The following PRKD3 variants were observed in gnomAD, a reference collection of about 807,000 sequenced individuals.
PRKD3 encodes serine/threonine-protein kinase D3.
Under a neutral mutation model 99.2 loss-of-function variants are expected in PRKD3, and 47 were observed. The ratio of observed to expected loss-of-function variants is 0.47; its 90% confidence interval spans 0.38 to 0.60. The LOEUF (loss-of-function observed/expected upper bound fraction) is 0.60. Among genes scored for constraint, PRKD3 ranks in the 20% least tolerant of loss-of-function variants. The pLI, the probability that PRKD3 is intolerant of heterozygous loss-of-function variation, is 0.00. For synonymous variants in PRKD3, 392 were observed against 355.4 expected, an observed-to-expected ratio of 1.10 and a Z score of -1.16; for missense variants, 1,019 against 1,088.4, an observed-to-expected ratio of 0.94 and a Z score of 0.90.
intron 2 of PRKD3, among the ~76,000 whole-genome samples, chr2:37,309,791 T>C (rs1671339258): frequency 7.2e-6 from 1 of 139,020 alleles, no homozygotes; most frequent in South Asian, 2.2e-4. Flanking sequence ...GAAGTTGCAG[T>C]GAGCCGAGAT....
At chr2:37,314,122 GAGAAAGT>G (rs769848484) in intron 2 of PRKD3, among the ~76,000 whole-genome samples, 34 of 152,080 alleles carry the variant, frequency 2.2e-4, no homozygotes, top group Non-Finnish European at 3.7e-4. Flanking sequence ...GAAAAGATAA[GAGAAAGT>G]AGAAAGAAGT....
chr2:37,268,248 T>C (rs892667102), intron 13 of PRKD3: 1 of 461,340 alleles, frequency 2.2e-6, no homozygotes, highest in Non-Finnish European at 4.5e-6. Flanking sequence ...ATCGTAAGTC[T>C]ACTTGAAAAG....
At chr2:37,281,170 T>C (rs1669840920) in intron 7 of PRKD3, among the ~76,000 whole-genome samples, 2 of 152,192 alleles carry the variant, frequency 1.3e-5, no homozygotes, top group South Asian at 2.1e-4. Context: ...AAATGGTGCA[T>C]TTCTTTGATT....
chr2:37,279,851 C>T lies in PRKD3; in HGVS notation c.1067G>A (p.Gly356Asp). The part of the protein sequence containing the change: ...NNDINSDSSR[G>D]LDDTEEPSPP... Reference sequence around the variant, plus strand: ...TGATGGCTCTTCTGTGTCATCCAAACCCCGACTACTATCACTATTTATGTC... The same window carrying T: ...TGATGGCTCTTCTGTGTCATCCAAATCCCGACTACTATCACTATTTATGTC... The change falls in exon 8 of 19, where the codon GGT (glycine) becomes GAT (aspartate). Residue 356 changes from glycine (G) to aspartate (D), a missense_variant. Gly to Asp is a moderately conservative substitution (Grantham distance 94). Transcript: ENST00000234179. 6.2e-7 allele frequency: 1 copy of T among 1,613,176 alleles called. No individual in the cohort carries two copies. Among genetic ancestry groups the T allele is most frequent in the Non-Finnish European group, 8.5e-7 (1 of 1,179,342 alleles).
chr2:37,273,790 TG>T (rs1307459285), intron 11 of PRKD3, among the ~76,000 whole-genome samples: 1 of 152,214 alleles, frequency 6.6e-6, no homozygotes, highest in Non-Finnish European at 1.5e-5. Flanking sequence ...ATAATGTTAA[TG>T]GGGGAGAAGT....
At chr2:37,295,902 A>G (rs900988021) in intron 2 of PRKD3, among the ~76,000 whole-genome samples, 1 of 152,250 alleles carries the variant, frequency 6.6e-6, no homozygotes, top group Non-Finnish European at 1.5e-5. Context: ...AAGATGCTGA[A>G]GAAAGGGTGA....
At chr2:37,318,634 T>C (rs1671760362) in intron 1 of PRKD3, among the ~76,000 whole-genome samples, 1 of 152,180 alleles carries the variant, frequency 6.6e-6, no homozygotes, top group African/African-American at 2.4e-5. Context: ...TTCTCCACAG[T>C]TTTAAACTAA....
At chr2:37,276,549 T>C (rs1669578928) in intron 9 of PRKD3, among the ~76,000 whole-genome samples, 1 of 152,080 alleles carries the variant, frequency 6.6e-6, no homozygotes, top group African/African-American at 2.4e-5. Flanking sequence ...ATTCTTCACA[T>C]CTTATGGAAT....
intron 5 of PRKD3, 38 bp downstream of exon 5, chr2:37,289,318 A>G: frequency 6.2e-7 from 1 of 1,600,264 alleles, no homozygotes; most frequent in South Asian, 1.1e-5. Flanking sequence ...CACAGAGAAT[A>G]ACTACTACTA....
chr2:37,322,441 C>A (rs1329757522), intron 1 of PRKD3, among the ~76,000 whole-genome samples: 1 of 152,194 alleles, frequency 6.6e-6, no homozygotes, highest in Non-Finnish European at 1.5e-5. Flanking sequence ...AGTTGAATCT[C>A]AGTCCTTCCA....
chr2:37,289,941 T>C (rs1670319506), intron 4 of PRKD3, among the ~76,000 whole-genome samples: 1 of 152,248 alleles, frequency 6.6e-6, no homozygotes, highest in African/African-American at 2.4e-5. Context: ...ATGAAAATTT[T>C]ATGAAACTCA....
chr2:37,308,446 A>G (rs769277951), intron 2 of PRKD3, among the ~76,000 whole-genome samples: 3 of 151,966 alleles, frequency 2.0e-5, no homozygotes, highest in Non-Finnish European at 4.4e-5. Context: ...TTCTTTTGAG[A>G]CAGAGTTTTG....
intron 6 of PRKD3, among the ~76,000 whole-genome samples, chr2:37,283,899 TCA>T (rs1669971472): frequency 1.3e-5 from 1 of 78,008 alleles, no homozygotes. Flanking sequence ...AGACTCTGTC[TCA>T]AAAAAAAAAA....
intron 1 of PRKD3, among the ~76,000 whole-genome samples, chr2:37,321,248 G>C (rs1232922466): frequency 6.6e-6 from 1 of 152,080 alleles, no homozygotes; most frequent in Non-Finnish European, 1.5e-5. Flanking sequence ...TTTAGAACTT[G>C]TCAAATATTC....
At chr2:37,264,445 A>G (rs1399473819) in intron 14 of PRKD3, among the ~76,000 whole-genome samples, 1 of 151,912 alleles carries the variant, frequency 6.6e-6, no homozygotes, top group East Asian at 1.9e-4. Context: ...ACAATGGGAA[A>G]TAAAATAGTA....
Position 37,279,957 on chromosome 2 carries a change from G to A in PRKD3, c.989-28C>T, listed in dbSNP as rs201130476. On this transcript the variant is annotated intron_variant, in intron 7 of 18. Coordinates refer to ENST00000234179, the MANE Select transcript of PRKD3 (RefSeq NM_005813.6). ...GGGAAAATTTTAAATGAATTTCAGA[G>A]TTTTATATTAATAGAGGAAGTCCAT... The A allele has an allele frequency of 1.4e-3, 2,127 of 1,482,022 alleles. 3 individuals are homozygous for A. Among genetic ancestry groups the A allele is most frequent in the Non-Finnish European group, 1.8e-3 (1,987 of 1,085,972 alleles). 91.8% of individuals were successfully genotyped at this position (1,482,022 alleles called of 1,614,324 possible).
At chr2:37,309,293 C>T (rs4670686) in intron 2 of PRKD3, among the ~76,000 whole-genome samples, 97,632 of 152,028 alleles carry the variant, frequency 0.64, 32,067 homozygotes, top group East Asian at 0.98. Context: ...CCTCTTGTGA[C>T]ATCAAAAGAT....
rs1398411539 is a variant in PRKD3, at chr2:37,275,969, G to A, written c.1297-125C>T. The A allele has an allele frequency of 3.9e-6, 5 of 1,276,118 alleles. No homozygotes were observed. In the African/African-American group the frequency reaches 4.6e-5, roughly 12 times the overall value. The allele number at this position is 1,276,118 out of a possible 1,614,324, so 79.0% of individuals were successfully genotyped here. ...TTTGAATAACTTTAAGATTCATGAG[G>A]TTCAAAATTCTCAAGATATAAAAAG... On this transcript the variant is annotated intron_variant, in intron 9 of 18. Transcript: ENST00000234179.
intron 14 of PRKD3, 60 bp from the exon 15 acceptor site, chr2:37,260,444 C>T (rs1453442149): frequency 1.4e-6 from 2 of 1,425,946 alleles, no homozygotes; most frequent in East Asian, 4.6e-5. Flanking sequence ...TTACTAATAT[C>T]TAGATGTGCT....
Sources: allele counts gnomAD v4.1 joint callset (sites outside exome capture counted in the v4.1 genomes callset), GRCh38; gene constraint gnomAD v4.1.1; transcripts MANE v1.5; gene names NCBI Gene and HGNC (gene_info 2026-07-23, HGNC 2026-07-21).